NUP210: variants seen among roughly 807,000 people sequenced by gnomAD.
NUP210 encodes the protein nucleoporin 210.
Under a neutral mutation model 196.0 loss-of-function variants are expected in NUP210, and 151 were observed. The observed-to-expected ratio is 0.77, with a 90% CI of 0.67 to 0.88. The LOEUF (loss-of-function observed/expected upper bound fraction) is 0.88. Among genes scored for constraint, NUP210 ranks in the 40% least tolerant of loss-of-function variants. NUP210 has a pLI of 0.00. For synonymous variants in NUP210, 1,070 were observed against 1,052.7 expected (o/e 1.02, Z -0.32); for missense variants, 2,314 against 2,493.7 (o/e 0.93, Z 1.53).
At chr3:13,335,132 G>A (rs950928926) in intron 28 of NUP210, among the ~76,000 whole-genome samples, 2 of 152,236 alleles carry the variant, frequency 1.3e-5, no homozygotes, top group Non-Finnish European at 2.9e-5. Flanking sequence ...CAGCCACTCA[G>A]ACACAGTGAG....
chr3:13,357,080 C>T (rs938121786), intron 16 of NUP210, among the ~76,000 whole-genome samples: 1 of 152,264 alleles, frequency 6.6e-6, no homozygotes, highest in African/African-American at 2.4e-5. Flanking sequence ...TTCAGCTACT[C>T]CCTGGCCAGT....
Position 13,330,464 on chromosome 3 carries a change from A to G in NUP210, c.4106T>C (p.Val1369Ala). The G allele has an allele frequency of 1.2e-6, 2 of 1,613,842 alleles. No individual in the cohort carries two copies. The highest frequency in any genetic ancestry group is 1.7e-6 in the Non-Finnish European group (2 of 1,179,818). Residue 1369 changes from valine to alanine, a missense_variant, in exon 30 of 40, where the codon GTA (valine) becomes GCA (alanine). Transcript: ENST00000254508. ...AGGAGGAGAATGCAACCCTACCTTT[A>G]CAGCAACAATGATGGTTTGGTTGGC... is the stretch of plus-strand genomic sequence containing the variant. ...FGANQTIIVAVKVSPVSYLRV... is the reference protein window; with the variant it reads ...FGANQTIIVAAKVSPVSYLRV...
chr3:13,401,407 AC>A (rs1699836936), intron 1 of NUP210, among the ~76,000 whole-genome samples: 1 of 151,928 alleles, frequency 6.6e-6, no homozygotes, highest in South Asian at 2.1e-4. Flanking sequence ...CTCCGACACC[AC>A]CTGGCCACAA....
intron 13 of NUP210, among the ~76,000 whole-genome samples, chr3:13,366,642 C>G (rs1005845640): frequency 1.9e-4 from 29 of 151,558 alleles, no homozygotes; most frequent in Non-Finnish European, 4.0e-4. Flanking sequence ...CTCAGCCTCC[C>G]GAGTAGCTGG....
chr3:13,335,709 C>A, intron 27 of NUP210, 97 bp from the exon 28 acceptor site: 1 of 1,370,404 alleles, frequency 7.3e-7, no homozygotes, highest in Non-Finnish European at 1.0e-6. Flanking sequence ...CCCCAGCCCC[C>A]CAGTCCTGGT....
At chr3:13,357,386 A>G (rs893923234) in intron 16 of NUP210, among the ~76,000 whole-genome samples, 14 of 152,116 alleles carry the variant, frequency 9.2e-5, no homozygotes, top group Middle Eastern at 3.4e-3. Flanking sequence ...AGCGCTTGCC[A>G]CCTCTGATCC....
chr3:13,418,923 TG>T, intron 1 of NUP210, among the ~76,000 whole-genome samples: 1 of 119,302 alleles, frequency 8.4e-6, no homozygotes, highest in Non-Finnish European at 1.6e-5. Context: ...CACGTCAGCA[TG>T]GACGACAAAG....
intron 16 of NUP210, 159 bp from the exon 17 acceptor site, chr3:13,354,266 C>A: frequency 1.5e-6 from 1 of 646,130 alleles, no homozygotes; most frequent in Non-Finnish European, 2.7e-6. Flanking sequence ...TATTGCCACC[C>A]ACCAGGTCCC....
At chr3:13,367,191 C>A (rs1698568496) in intron 13 of NUP210, among the ~76,000 whole-genome samples, 1 of 152,002 alleles carries the variant, frequency 6.6e-6, no homozygotes, top group South Asian at 2.1e-4. Context: ...AATCCCAGCA[C>A]TTTGGGAGGC....
At position 13,384,222 on chromosome 3, in the gene NUP210, A is replaced by T. The variant is rs189665749; in HGVS notation, c.817+2053T>A. 1.9e-3 allele frequency among the ~76,000 whole-genome samples: 290 copies of T among 152,234 alleles called. 1 individual carries two copies. Among genetic ancestry groups the T allele is most frequent in the South Asian group, 0.016 (78 of 4,822 alleles). On this transcript the variant is annotated intron_variant, in intron 6 of 39. Coordinates refer to ENST00000254508, the MANE Select transcript of NUP210 (RefSeq NM_024923.4). ...GTGATCCGCCCGCCTCAGCCTCCCA[A>T]AGTGCTGGGATTATGGGCGTGAGCC... is the stretch of plus-strand genomic sequence containing the variant.
chr3:13,368,125 G>A (rs1409917442), intron 13 of NUP210, among the ~76,000 whole-genome samples: 1 of 151,988 alleles, frequency 6.6e-6, no homozygotes, highest in South Asian at 2.1e-4. Context: ...GCCCAGGCTG[G>A]AGTGCAGTGG....
In NUP210 at chr3:13,323,826, GCC is replaced by G. The variant is rs1404279636; in HGVS notation, c.4645-396_4645-395del. 6.6e-6 allele frequency among the ~76,000 whole-genome samples: 1 copy of G among 151,982 alleles called. No homozygotes were observed. Among genetic ancestry groups the G allele is most frequent in the Non-Finnish European group, 1.5e-5 (1 of 67,976 alleles). On this transcript the variant is annotated intron_variant, in intron 33 of 39. Coordinates refer to ENST00000254508, the MANE Select transcript of NUP210 (RefSeq NM_024923.4). This position sits in a 1 kb window ranked among gnomAD's most constrained non-coding sequence, Gnocchi z 4.3. Reference sequence around the variant, plus strand: ...AGATTTTCCCAGCTGTTCCCCCTGTGCCCATCCTGTACCTGGCCACACCCAAA... The same window carrying G: ...AGATTTTCCCAGCTGTTCCCCCTGTGCATCCTGTACCTGGCCACACCCAAA...
Position 13,420,143 on chromosome 3 carries a change from G to C in NUP210, c.84C>G (p.Leu28=). Residue 28 remains leucine, a synonymous_variant, in exon 1 of 40, where the codon CTC becomes CTG. Transcript: ENST00000254508. This position sits in a 1 kb window ranked among gnomAD's most constrained non-coding sequence, Gnocchi z 4.8. ...AAGPSAAAAK[L]NIPKVLLPFT... ...AGGGCAGCAGCACTTTGGGGATGTT[G>C]AGCTTGGCCGCAGCGGCGGAGGGGC... The C allele has an allele frequency of 1.5e-6, 2 of 1,325,778 alleles. No individual in the cohort carries two copies. Among genetic ancestry groups the C allele is most frequent in the African/African-American group, 3.1e-5 (2 of 64,934 alleles). The allele number at this position is 1,325,778 out of a possible 1,614,324, so 82.1% of individuals were successfully genotyped here.
chr3:13,322,764 G>A (rs1278819333), intron 34 of NUP210, among the ~76,000 whole-genome samples: 1 of 152,240 alleles, frequency 6.6e-6, no homozygotes, highest in African/African-American at 2.4e-5. Flanking sequence ...TGAGGAAGGA[G>A]CAGAGGCTGC....
intron 1 of NUP210, among the ~76,000 whole-genome samples, chr3:13,417,783 C>T (rs1430808032): frequency 6.6e-6 from 1 of 152,118 alleles, no homozygotes; most frequent in African/African-American, 2.4e-5. Context: ...CAGATCAACG[C>T]CAAACACGTT....
At position 13,391,126 on chromosome 3, in the gene NUP210, A is replaced by C. The variant is rs917737004; in HGVS notation, c.533+85T>G. ...CCAGACTCCTCAATGACCCAGATGA[A>C]AGCCCCCCGCTGGTGAGGAGCTCAC... is the stretch of plus-strand genomic sequence containing the variant. On this transcript the variant is annotated intron_variant, in intron 4 of 39. Coordinates refer to ENST00000254508, the MANE Select transcript of NUP210 (RefSeq NM_024923.4). The C allele has an allele frequency of 4.7e-4, 424 of 911,826 alleles. 1 individual carries two copies. The highest frequency in any genetic ancestry group is 5.7e-4 in the Non-Finnish European group (325 of 565,320). 56.5% of individuals were successfully genotyped at this position (911,826 alleles called of 1,614,324 possible). A position where few individuals can be genotyped will look rare whatever the true frequency, so the allele number is the denominator to read the frequency against.
At chr3:13,415,073 T>C (rs1159664192) in intron 1 of NUP210, among the ~76,000 whole-genome samples, 1 of 152,126 alleles carries the variant, frequency 6.6e-6, no homozygotes, top group Admixed American at 6.5e-5. Context: ...CTGTCTCTAC[T>C]AAAAATACAA....
chr3:13,369,414 T>C (rs941246849), intron 13 of NUP210, among the ~76,000 whole-genome samples: 1 of 152,236 alleles, frequency 6.6e-6, no homozygotes, highest in Non-Finnish European at 1.5e-5. Context: ...AGAACTTTTT[T>C]ATTTTGTTGT....
At chr3:13,343,423 T>C (rs1697601235) in intron 20 of NUP210, 120 bp from the exon 21 acceptor site, 6 of 1,315,744 alleles carry the variant, frequency 4.6e-6, no homozygotes, top group Non-Finnish European at 6.2e-6. Flanking sequence ...CCTCATGGGA[T>C]GCCAGTGGCA....
Sources: allele counts gnomAD v4.1 joint callset (sites outside exome capture counted in the v4.1 genomes callset), GRCh38; gene constraint gnomAD v4.1.1; non-coding constraint Gnocchi (gnomAD v3.1); transcripts MANE v1.5; gene names NCBI Gene and HGNC (gene_info 2026-07-23, HGNC 2026-07-21).